SMCO4: variants seen among roughly 807,000 people sequenced by gnomAD.
SMCO4 encodes the protein single-pass membrane and coiled-coil domain-containing protein 4.
In SMCO4, 4 loss-of-function variants were observed where a neutral mutation model predicts 3.6. The observed-to-expected ratio is 1.11, with a 90% CI of 0.54 to 2.53. The LOEUF (loss-of-function observed/expected upper bound fraction) is 2.53, where lower values mean the gene tolerates loss of function less well. Among genes scored for constraint, SMCO4 ranks in the 30% most tolerant of loss-of-function variants. SMCO4 has a pLI of 0.02. For missense variants in SMCO4, 70 were observed against 80.8 expected (o/e 0.87, Z 0.51); for synonymous variants, 36 against 35.3 (o/e 1.02, Z -0.07).
intron 2 of SMCO4, chr11:93,481,378 G>A: frequency 1.0e-6 from 1 of 966,794 alleles, no homozygotes. Flanking sequence ...GCGGCCCAGG[G>A]ACGGGTGCAC....
At chr11:93,536,914 A>C (rs1296788369) in intron 1 of SMCO4, among the ~76,000 whole-genome samples, 3 of 152,242 alleles carry the variant, frequency 2.0e-5, no homozygotes, top group Non-Finnish European at 4.4e-5. Flanking sequence ...CAAGACTGAC[A>C]AAGTTCAAGC....
chr11:93,541,925 ACCCC>A (rs997940952), intron 1 of SMCO4, among the ~76,000 whole-genome samples: 2 of 152,110 alleles, frequency 1.3e-5, no homozygotes, highest in Admixed American at 6.6e-5. Context: ...CTCTCTTTAT[ACCCC>A]ATGTGACAGA....
At position 93,509,720 on chromosome 11, in the gene SMCO4, G is replaced by A. The variant is rs1948941297; in HGVS notation, c.-153-10372C>T. Among the ~76,000 whole-genome samples, 5 of 152,182 alleles carry A rather than the reference G, an allele frequency of 3.3e-5. No homozygotes were observed. The South Asian group carries it at 1.0e-3, about 32-fold the overall frequency. On this transcript the variant is annotated intron_variant, in intron 1 of 2. Transcript: ENST00000298966. The stretch of plus-strand genomic sequence containing the variant: ...TTCTAAGTGAAGTAACTCAGGAATG[G>A]AAAACCAAACATCCTATGTTCTCAC...
chr11:93,514,236 T>C (rs1288786043), intron 1 of SMCO4, among the ~76,000 whole-genome samples: 1 of 151,720 alleles, frequency 6.6e-6, no homozygotes. Flanking sequence ...CAGTGGTTCA[T>C]GGCAAAAATT....
At chr11:93,525,597 G>A (rs1949098805) in intron 1 of SMCO4, among the ~76,000 whole-genome samples, 2 of 152,140 alleles carry the variant, frequency 1.3e-5, no homozygotes, top group African/African-American at 4.8e-5. Flanking sequence ...GAGAACTGCA[G>A]TGTCTCCAGA....
Position 93,513,237 on chromosome 11 carries a change from A to G in SMCO4, c.-153-13889T>C, listed in dbSNP as rs960566555. Among the ~76,000 whole-genome samples, 58 of 152,322 alleles carry G rather than the reference A, an allele frequency of 3.8e-4. 1 individual carries two copies. The highest frequency in any genetic ancestry group is 1.3e-3 in the African/African-American group (55 of 41,564). ...GGATAAGCATAATGGTACCTACTAT[A>G]CAGGTTGTTGTGGGAGATAAATAAG... On this transcript the variant is annotated intron_variant, in intron 1 of 2. Transcript: ENST00000298966.
intron 1 of SMCO4, among the ~76,000 whole-genome samples, chr11:93,519,681 G>A (rs1244819832): frequency 6.6e-6 from 1 of 152,166 alleles, no homozygotes; most frequent in African/African-American, 2.4e-5. Context: ...GCAAGAAGGT[G>A]GCTTATTATG....
At chr11:93,505,094 A>G (rs1339949484) in intron 1 of SMCO4, among the ~76,000 whole-genome samples, 1 of 152,234 alleles carries the variant, frequency 6.6e-6, no homozygotes, top group African/African-American at 2.4e-5. Flanking sequence ...TCAACATGCT[A>G]CACTCTCAGA....
intron 2 of SMCO4, among the ~76,000 whole-genome samples, chr11:93,496,834 T>C (rs1339808758): frequency 2.0e-5 from 3 of 152,202 alleles, no homozygotes; most frequent in African/African-American, 7.2e-5. Context: ...AGCATCACGA[T>C]AGGCTTGCAG....
chr11:93,535,503 A>C (rs1949213544), intron 1 of SMCO4: 1 of 1,387,360 alleles, frequency 7.2e-7, no homozygotes. Flanking sequence ...CTCCTGACGG[A>C]GCTGACCAGA....
intron 2 of SMCO4, among the ~76,000 whole-genome samples, chr11:93,490,852 A>G (rs1948706279): frequency 6.6e-6 from 1 of 152,246 alleles, no homozygotes; most frequent in Admixed American, 6.5e-5. Context: ...CGGAGAAACC[A>G]AGCAGGGTCT....
chr11:93,488,794 A>G (rs1254204658), intron 2 of SMCO4, among the ~76,000 whole-genome samples: 1 of 152,040 alleles, frequency 6.6e-6, no homozygotes, highest in African/African-American at 2.4e-5. Context: ...TGGGAAGTGG[A>G]GTGTGTGCAG....
rs563255399 is a variant in SMCO4 at position 93,532,461 on chromosome 11, G to T, written c.-154+10815C>A. ...TTACACCATCAGCTTTCCTAGTTCT[G>T]AGGCTTTTAGACTTGGACGGAGTCC... is the stretch of plus-strand genomic sequence containing the variant. On this transcript the variant is annotated intron_variant, in intron 1 of 2. Transcript: ENST00000298966. 2.0e-5 allele frequency among the ~76,000 whole-genome samples: 3 copies of T among 152,296 alleles called. 1 individual carries two copies. The South Asian group carries it at 6.2e-4, about 32-fold the overall frequency.
chr11:93,507,383 G>C (rs1172031460), intron 1 of SMCO4, among the ~76,000 whole-genome samples: 1 of 152,172 alleles, frequency 6.6e-6, no homozygotes, highest in Non-Finnish European at 1.5e-5. Flanking sequence ...CTGGGGGATA[G>C]AGACTCTATC....
chr11:93,499,587 A>G (rs1948814970), intron 1 of SMCO4, among the ~76,000 whole-genome samples: 2 of 152,196 alleles, frequency 1.3e-5, no homozygotes, highest in South Asian at 4.1e-4. Flanking sequence ...GCATGGAGTT[A>G]GAGGGGCCTT....
At chr11:93,535,381 C>T (rs904467110) in intron 1 of SMCO4, 6 of 783,324 alleles carry the variant, frequency 7.7e-6, no homozygotes, top group South Asian at 3.3e-5. Flanking sequence ...TTAACATCTA[C>T]GATCTCAGCA....
chr11:93,490,033 G>A (rs759191352), intron 2 of SMCO4, among the ~76,000 whole-genome samples: 1 of 152,214 alleles, frequency 6.6e-6, no homozygotes, highest in Non-Finnish European at 1.5e-5. Context: ...CTCCTTCCCA[G>A]AGCCAGCAGC....
At chr11:93,486,825 C>A (rs1314139949) in intron 2 of SMCO4, among the ~76,000 whole-genome samples, 2 of 152,192 alleles carry the variant, frequency 1.3e-5, no homozygotes, top group Admixed American at 6.5e-5. Flanking sequence ...AGACATCCAA[C>A]CACTAGACTA....
chr11:93,545,070 A>G (rs1949305118), upstream of SMCO4, among the ~76,000 whole-genome samples: 1 of 152,194 alleles, frequency 6.6e-6, no homozygotes, highest in African/African-American at 2.4e-5. Context: ...CTCAAGGTTT[A>G]AATTGGGGCA....
Sources: gnomAD v4.1 joint callset for allele counts (sites outside exome capture counted in the v4.1 genomes callset) on GRCh38, gnomAD v4.1.1 for gene constraint, MANE v1.5 for transcripts, NCBI Gene and HGNC (gene_info 2026-07-23, HGNC 2026-07-21) for gene names.